PAX2: variants seen among roughly 807,000 people sequenced by gnomAD.
PAX2 encodes paired box protein Pax-2.
A neutral mutation model predicts 41.7 loss-of-function variants in PAX2; 9 were observed. The ratio of observed to expected loss-of-function variants is 0.22; its 90% CI spans 0.13 to 0.38. PAX2 has a LOEUF of 0.38. PAX2 is among the 10% of genes least tolerant of loss of function. The probability of loss-of-function intolerance (pLI) is 1.00; values close to 1 mark genes in which losing one functional copy is unlikely to be tolerated. For missense variants in PAX2, 418 were observed against 531.6 expected, an observed-to-expected ratio of 0.79 and a Z score of 2.10; for synonymous variants, 221 against 212.7, an observed-to-expected ratio of 1.04 and a Z score of -0.34.
chr10:100,738,841 C>A (rs891513361), intron 1 of PAX2, among the ~76,000 whole-genome samples: 2 of 152,180 alleles, frequency 1.3e-5, no homozygotes, highest in Non-Finnish European at 2.9e-5. Flanking sequence ...GAGACCCTGT[C>A]CTGGCTCCTG....
intron 6 of PAX2, among the ~76,000 whole-genome samples, chr10:100,807,954 T>C (rs941828947): frequency 1.2e-4 from 19 of 152,178 alleles, no homozygotes; most frequent in African/African-American, 4.6e-4. Context: ...AAAGTCTTTT[T>C]AAGGTGCCCT....
In PAX2 at chr10:100,787,803, G is replaced by A. The variant is rs532408674; in HGVS notation, c.616+6438G>A. On this transcript the variant is annotated intron_variant, in intron 5 of 9. Transcript: ENST00000355243. ...AAGTGAGGTGTTGTTTGAGAAAGGT[G>A]TGAGGAGCGAGGAAATGGGGGAGCC... 2.0e-5 allele frequency among the ~76,000 whole-genome samples: 3 copies of A among 152,220 alleles called. No homozygotes were observed. In the South Asian group the frequency reaches 6.2e-4, roughly 32 times the overall value.
At chr10:100,823,339 TG>T (rs1228254521) in intron 7 of PAX2, among the ~76,000 whole-genome samples, 1 of 152,186 alleles carries the variant, frequency 6.6e-6, no homozygotes, top group Non-Finnish European at 1.5e-5. Context: ...GCTGTAGCTC[TG>T]TATAGCTAGG....
At chr10:100,747,143 G>C (rs975004970) in intron 1 of PAX2, 1 of 152,260 alleles carries the variant, frequency 6.6e-6, no homozygotes, top group African/African-American at 2.4e-5. Flanking sequence ...GTGGGCCCCC[G>C]GCAGAGTGCA....
At chr10:100,752,131 C>T (rs765890613) in intron 3 of PAX2, among the ~76,000 whole-genome samples, 1 of 152,212 alleles carries the variant, frequency 6.6e-6, no homozygotes, top group East Asian at 1.9e-4. Flanking sequence ...CTGCCACACT[C>T]GTGCTGTAAT....
chr10:100,779,618 C>G lies in PAX2; in HGVS notation c.496+35C>G, dbSNP rs1207783816. 4.7e-6 allele frequency: 7 copies of G among 1,487,260 alleles called. No homozygotes were observed. The East Asian group carries it at 7.2e-5, about 15-fold the overall frequency. The allele number at this position is 1,487,260 out of a possible 1,614,324, so 92.1% of individuals were successfully genotyped here. On this transcript the variant is annotated intron_variant, in intron 4 of 9. Transcript: ENST00000355243. ...CTCAGGGAAGGGGAGGAAACCAGAT[C>G]CCACCTAGAGAAAGGCAGGAAACGC...
chr10:100,770,057 T>A (rs1230021781), intron 3 of PAX2, among the ~76,000 whole-genome samples: 1 of 152,192 alleles, frequency 6.6e-6, no homozygotes, highest in Non-Finnish European at 1.5e-5. Flanking sequence ...ATCACATTCT[T>A]TCAGGAGACA....
chr10:100,797,093 A>G (rs1847365179), intron 5 of PAX2, among the ~76,000 whole-genome samples: 1 of 152,248 alleles, frequency 6.6e-6, no homozygotes, highest in Non-Finnish European at 1.5e-5. Flanking sequence ...AGAACTGACC[A>G]ATCTTTGCTT....
rs1170088491 is a variant in PAX2, at chr10:100,824,966, C to T, written c.1021+217C>T. 6.2e-7 allele frequency: 1 copy of T among 1,614,006 alleles called. No homozygotes were observed. The highest frequency in any genetic ancestry group is 1.1e-5 in the South Asian group (1 of 91,078). On this transcript the variant is annotated intron_variant, in intron 8 of 9. Transcript: ENST00000355243. This position sits in a 1 kb window ranked among gnomAD's most constrained non-coding sequence, Gnocchi z 6.6. ...CGGGGAGGAAGCTTGCAGAAGTGCCCCCTTGTGTGCAACCCACTGTATGTC... is the reference window on the plus strand; with the variant it reads ...CGGGGAGGAAGCTTGCAGAAGTGCCTCCTTGTGTGCAACCCACTGTATGTC...
intron 3 of PAX2, among the ~76,000 whole-genome samples, chr10:100,770,506 G>A (rs964821267): frequency 6.6e-6 from 1 of 152,210 alleles, no homozygotes; most frequent in African/African-American, 2.4e-5. Context: ...TTAAACCTAT[G>A]CATATCTTGA....
rs114134899 is a variant in PAX2, at chr10:100,794,073, A to C, written c.617-12357A>C. Reference sequence around the variant, plus strand: ...TTGAGAGAGGCCTTGGCTGGGCTGGATGGTGACAAGGCAGAGTGTCAGATT... The same window carrying C: ...TTGAGAGAGGCCTTGGCTGGGCTGGCTGGTGACAAGGCAGAGTGTCAGATT... On this transcript the variant is annotated intron_variant, in intron 5 of 9. Coordinates refer to ENST00000355243, the MANE Select transcript of PAX2 (RefSeq NM_000278.5). Among the ~76,000 whole-genome samples the C allele has an allele frequency of 5.9e-3, 898 of 152,162 alleles. 14 individuals carry two copies. Among genetic ancestry groups the C allele is most frequent in the African/African-American group, 0.021 (855 of 41,510 alleles).
At position 100,750,678 on chromosome 10, in the gene PAX2, G is replaced by A. The variant is rs373888778; in HGVS notation, c.213-16G>A. On this transcript the variant is annotated splice_polypyrimidine_tract_variant and intron_variant, in intron 2 of 9. Coordinates refer to ENST00000355243, the MANE Select transcript of PAX2 (RefSeq NM_000278.5). This position sits in a 1 kb window ranked among gnomAD's most constrained non-coding sequence, Gnocchi z 4.1. The stretch of plus-strand genomic sequence containing the variant: ...CAGTCCGCTTCTGGCTGACCCCGCC[G>A]GCTTTCCCGGCGCAGGTACTACGAG... 15 of 1,613,246 alleles carry A rather than the reference G, an allele frequency of 9.3e-6. No homozygotes were observed. The Admixed American group carries it at 2.0e-4, about 22-fold the overall frequency.
intron 8 of PAX2, among the ~76,000 whole-genome samples, chr10:100,825,289 G>A (rs558049883): frequency 1.3e-5 from 2 of 152,244 alleles, no homozygotes; most frequent in Non-Finnish European, 2.9e-5. Flanking sequence ...AGGCTGCGGC[G>A]GGAAGCAGGG....
intron 3 of PAX2, among the ~76,000 whole-genome samples, chr10:100,762,597 G>A (rs982055885): frequency 6.6e-6 from 1 of 152,268 alleles, no homozygotes; most frequent in South Asian, 2.1e-4. Context: ...AGAAAAATTA[G>A]TAGGGTATAT....
At chr10:100,794,431 T>C (rs1847250137) in intron 5 of PAX2, among the ~76,000 whole-genome samples, 1 of 152,158 alleles carries the variant, frequency 6.6e-6, no homozygotes, top group African/African-American at 2.4e-5. Flanking sequence ...AAGCTCTCCA[T>C]TTGACACCCT....
intron 3 of PAX2, among the ~76,000 whole-genome samples, chr10:100,768,326 C>T (rs942945943): frequency 1.2e-4 from 18 of 152,156 alleles, no homozygotes; most frequent in Non-Finnish European, 1.6e-4. Context: ...TTGAGAAACA[C>T]ATCTATATGT....
intron 7 of PAX2, among the ~76,000 whole-genome samples, chr10:100,811,376 C>T (rs1847985047): frequency 6.6e-6 from 1 of 152,230 alleles, no homozygotes; most frequent in Non-Finnish European, 1.5e-5. Flanking sequence ...TGGGGACAAA[C>T]AGAATTTGCT....
At chr10:100,743,859 C>G (rs1277818781), upstream of PAX2, among the ~76,000 whole-genome samples, 1 of 152,190 alleles carries the variant, frequency 6.6e-6, no homozygotes, top group African/African-American at 2.4e-5. Context: ...GCCTAGCCAC[C>G]CAAGGGAAGT....
intron 7 of PAX2, among the ~76,000 whole-genome samples, chr10:100,809,914 G>A (rs1448232500): frequency 3.3e-5 from 5 of 152,206 alleles, no homozygotes; most frequent in South Asian, 2.1e-4. Context: ...AGTTTGGAAG[G>A]GGAGGTGGAG....
Sources: gnomAD v4.1 joint callset for allele counts (sites outside exome capture counted in the v4.1 genomes callset) on GRCh38, gnomAD v4.1.1 for gene constraint, Gnocchi (gnomAD v3.1) non-coding constraint, MANE v1.5 for transcripts, NCBI Gene and HGNC (gene_info 2026-07-23, HGNC 2026-07-21) for gene names.